Variants in TMEM67 observed in about 807,000 individuals in gnomAD.
TMEM67 encodes meckelin.
TMEM67 carries 124 observed loss-of-function variants against 136.6 expected under a neutral mutation model. The observed-to-expected ratio is 0.91, with a 90% CI of 0.78 to 1.05. The LOEUF is 1.05. Ranked by LOEUF, TMEM67 falls within the 50% of genes least tolerant of loss-of-function variation. TMEM67 has a pLI of 0.00. For synonymous variants in TMEM67, 364 were observed against 390.5 expected, an observed-to-expected ratio of 0.93 and a Z score of 0.80; for missense variants, 1,107 against 1,178.4, an observed-to-expected ratio of 0.94 and a Z score of 0.89.
chr8:93,828,058 C>A, the TMEM67 span, among the ~76,000 whole-genome samples: 1 of 152,128 alleles, frequency 6.6e-6, no homozygotes. Flanking sequence ...CTATCTTGAG[C>A]AGCTGTGCCA....
intron 9 of TMEM67, among the ~76,000 whole-genome samples, chr8:93,781,349 T>G (rs1420285573): frequency 2.6e-5 from 4 of 152,222 alleles, no homozygotes; most frequent in African/African-American, 9.6e-5. Flanking sequence ...TTCCTACCTG[T>G]AACTTTTTGA....
At chr8:93,787,728 A>T in intron 13 of TMEM67, 116 bp from the exon 14 acceptor site, 1 of 810,510 alleles carries the variant, frequency 1.2e-6, no homozygotes, top group Non-Finnish European at 2.1e-6. Flanking sequence ...CTTGTTAACT[A>T]CTTGGTTCTG....
At chr8:93,785,465 T>A (rs913300369) in intron 12 of TMEM67, 87 bp downstream of exon 12, 3 of 1,336,732 alleles carry the variant, frequency 2.2e-6, no homozygotes, top group South Asian at 1.2e-5. Context: ...AACCACTGAT[T>A]ATAAGAAAGG....
intron 7 of TMEM67, 31 bp from the exon 8 acceptor site, chr8:93,780,562 G>GT: frequency 6.2e-7 from 1 of 1,613,758 alleles, no homozygotes; most frequent in East Asian, 2.2e-5. Context: ...TCAGGTTCAT[G>GT]TTACTTTTCT....
intron 21 of TMEM67, 67 bp downstream of exon 21, chr8:93,799,825 T>C: frequency 2.3e-6 from 3 of 1,327,482 alleles, no homozygotes; most frequent in Non-Finnish European, 3.2e-6. Context: ...GCCTAATTAC[T>C]GATTATCATC....
chr8:93,766,218 G>A (rs1161031001), intron 6 of TMEM67, among the ~76,000 whole-genome samples: 1 of 152,074 alleles, frequency 6.6e-6, no homozygotes, highest in Admixed American at 6.5e-5. Context: ...CCGCCTCCCA[G>A]GTTCAAGCGA....
chr8:93,830,050 G>A, the TMEM67 span, among the ~76,000 whole-genome samples: 1 of 152,180 alleles, frequency 6.6e-6, no homozygotes, highest in African/African-American at 2.4e-5. Context: ...GCACCAAGAA[G>A]CCAAGGAGAA....
downstream of TMEM67, among the ~76,000 whole-genome samples, chr8:93,818,805 T>A (rs948721291): frequency 8.5e-5 from 13 of 152,196 alleles, no homozygotes; most frequent in African/African-American, 2.4e-4. Flanking sequence ...TGTGTGTGTG[T>A]GAGACAGAGA....
chr8:93,823,745 A>G (rs1809073325), downstream of TMEM67, among the ~76,000 whole-genome samples: 1 of 152,210 alleles, frequency 6.6e-6, no homozygotes, highest in Admixed American at 6.5e-5. Flanking sequence ...AGTCAAGAAT[A>G]TAGTTTCAAA....
Position 93,812,925 on chromosome 8 carries a change from G to A in TMEM67, c.2765-2380G>A, listed in dbSNP as rs762404776. ...TAATTTTTGTATTTTTAGTAGAGGC[G>A]GGGTTTCACCATGTTGGTCAGGCTG... On this transcript the variant is annotated intron_variant, in intron 26 of 27. Coordinates refer to ENST00000453321, the MANE Select transcript of TMEM67 (RefSeq NM_153704.6). Among the ~76,000 whole-genome samples, 5 of 151,548 alleles carry A rather than the reference G, an allele frequency of 3.3e-5. No homozygotes were observed. In the East Asian group the frequency reaches 5.9e-4, roughly 18 times the overall value.
chr8:93,790,186 A>C (rs1814313996), intron 14 of TMEM67, among the ~76,000 whole-genome samples: 1 of 152,182 alleles, frequency 6.6e-6, no homozygotes, highest in African/African-American at 2.4e-5. Flanking sequence ...GCTGTTGCAA[A>C]ATTTTACATC....
At chr8:93,804,315 T>TTTC (rs1563477515) in intron 22 of TMEM67, among the ~76,000 whole-genome samples, 2 of 29,908 alleles carry the variant, frequency 6.7e-5, no homozygotes, top group African/African-American at 9.6e-5. Flanking sequence ...CTTTTCTTTT[T>TTTC]TTTTTTTTTT....
chr8:93,828,848 A>G, the TMEM67 span, among the ~76,000 whole-genome samples: 1 of 152,198 alleles, frequency 6.6e-6, no homozygotes, highest in African/African-American at 2.4e-5. Context: ...AAGAAGGCAA[A>G]CAAGACTATT....
intron 17 of TMEM67, 43 bp from the exon 18 acceptor site, chr8:93,795,858 A>C: frequency 7.1e-7 from 1 of 1,415,620 alleles, no homozygotes; most frequent in Non-Finnish European, 9.8e-7. Flanking sequence ...CAAACAAAAA[A>C]AACTGTGTGT....
intron 3 of TMEM67, among the ~76,000 whole-genome samples, chr8:93,761,392 T>C (rs955933300): frequency 6.6e-6 from 1 of 152,250 alleles, no homozygotes; most frequent in Non-Finnish European, 1.5e-5. Context: ...AATTTTAAGT[T>C]GGTGCAACCT....
chr8:93,778,233 G>T (rs999760007), intron 7 of TMEM67, among the ~76,000 whole-genome samples: 5 of 152,000 alleles, frequency 3.3e-5, no homozygotes, highest in African/African-American at 1.2e-4. Flanking sequence ...CCTTTATTTT[G>T]AGCCTATGTG....
At chr8:93,818,793 G>GGT (rs1418244950), downstream of TMEM67, among the ~76,000 whole-genome samples, 5 of 151,658 alleles carry the variant, frequency 3.3e-5, no homozygotes, top group African/African-American at 4.8e-5. Context: ...TAGTTTCGTG[G>GGT]GTGTGTGTGT....
At chr8:93,826,495 T>C in the TMEM67 span, among the ~76,000 whole-genome samples, 2 of 152,194 alleles carry the variant, frequency 1.3e-5, no homozygotes, top group African/African-American at 2.4e-5. Context: ...GACTCAATTC[T>C]TCCTCCTCCC....
intron 20 of TMEM67, among the ~76,000 whole-genome samples, chr8:93,799,242 T>A (rs1028519613): frequency 6.6e-6 from 1 of 152,152 alleles, no homozygotes; most frequent in Non-Finnish European, 1.5e-5. Context: ...TATAAAAATG[T>A]TTAGTACAGT....
Sources: gnomAD v4.1 joint callset for allele counts (sites outside exome capture counted in the v4.1 genomes callset) on GRCh38, gnomAD v4.1.1 for gene constraint, MANE v1.5 for transcripts, NCBI Gene and HGNC (gene_info 2026-07-23, HGNC 2026-07-21) for gene names.